GPR149: variants seen among roughly 807,000 people sequenced by gnomAD.
GPR149 encodes G protein-coupled receptor 149, also known as probable G protein-coupled receptor 149.
In GPR149, 50 loss-of-function variants were observed where a neutral mutation model predicts 50.2. The ratio of observed to expected loss-of-function variants is 1.00; its 90% CI spans 0.79 to 1.26. GPR149 has a LOEUF of 1.26. Ranked by LOEUF, GPR149 falls within the 50% of genes most tolerant of loss-of-function variation. GPR149 has a pLI of 0.00. For missense variants in GPR149, 983 were observed against 895.4 expected, an observed-to-expected ratio of 1.10 and a Z score of -1.25; for synonymous variants, 405 against 358.2, an observed-to-expected ratio of 1.13 and a Z score of -1.48.
At chr3:154,414,965 G>A (rs543606365) in intron 3 of GPR149, among the ~76,000 whole-genome samples, 22 of 152,012 alleles carry the variant, frequency 1.4e-4, no homozygotes, top group Admixed American at 3.3e-4. Context: ...TTAGAGATTA[G>A]TTATTAATTT....
intron 3 of GPR149, among the ~76,000 whole-genome samples, chr3:154,418,149 A>G (rs1294714205): frequency 7.1e-6 from 1 of 140,042 alleles, no homozygotes; most frequent in African/African-American, 2.8e-5. Flanking sequence ...GGCAATCATT[A>G]AAAAGTCAGG....
At chr3:154,356,595 A>C (rs1468337820) in intron 3 of GPR149, among the ~76,000 whole-genome samples, 1 of 152,202 alleles carries the variant, frequency 6.6e-6, no homozygotes, top group African/African-American at 2.4e-5. Flanking sequence ...CTTCAAAGAG[A>C]ATAAGATACC....
chr3:154,385,794 C>T (rs750214427), intron 3 of GPR149, among the ~76,000 whole-genome samples: 58 of 151,786 alleles, frequency 3.8e-4, no homozygotes, highest in South Asian at 1.0e-3. Flanking sequence ...CTCCACCTTC[C>T]GGGTTCACAC....
At chr3:154,352,871 A>G (rs896817260) in intron 3 of GPR149, 3 of 933,324 alleles carry the variant, frequency 3.2e-6, no homozygotes, top group African/African-American at 1.6e-5. Flanking sequence ...TGATAAAAAC[A>G]TATACAAATC....
chr3:154,348,055 C>T (rs549950869), intron 3 of GPR149, among the ~76,000 whole-genome samples: 23 of 152,200 alleles, frequency 1.5e-4, no homozygotes, highest in East Asian at 1.9e-4. Flanking sequence ...TGAGTTAATG[C>T]GTGTGAAATG....
intron 3 of GPR149, among the ~76,000 whole-genome samples, chr3:154,372,647 T>C (rs1714691401): frequency 6.6e-6 from 1 of 152,178 alleles, no homozygotes; most frequent in African/African-American, 2.4e-5. Context: ...GGTTCAAACC[T>C]AAAGGCCAGA....
chr3:154,338,393 C>T, intron 3 of GPR149, 122 bp from the exon 4 acceptor site: 1 of 786,194 alleles, frequency 1.3e-6, no homozygotes, highest in Non-Finnish European at 1.9e-6. Flanking sequence ...TCCCTAGAAA[C>T]ATTTTACAGA....
intron 3 of GPR149, among the ~76,000 whole-genome samples, chr3:154,367,923 T>C (rs1714577823): frequency 6.6e-6 from 1 of 152,168 alleles, no homozygotes; most frequent in Non-Finnish European, 1.5e-5. Flanking sequence ...GAGGCTAAAC[T>C]GGGCACCTGT....
At chr3:154,400,314 T>C (rs1252925367) in intron 3 of GPR149, among the ~76,000 whole-genome samples, 2 of 152,190 alleles carry the variant, frequency 1.3e-5, no homozygotes, top group African/African-American at 4.8e-5. Flanking sequence ...CAAATTATCA[T>C]AATATTGAAT....
intron 3 of GPR149, among the ~76,000 whole-genome samples, chr3:154,402,654 T>C (rs1711575938): frequency 6.6e-6 from 1 of 152,134 alleles, no homozygotes; most frequent in Admixed American, 6.6e-5. Context: ...AACTAAGTCT[T>C]TGTGGATCAA....
intron 3 of GPR149, among the ~76,000 whole-genome samples, chr3:154,402,056 T>G (rs1232543587): frequency 6.6e-6 from 1 of 152,124 alleles, no homozygotes; most frequent in Non-Finnish European, 1.5e-5. Flanking sequence ...CTTAAAGCAC[T>G]AAGAAAGTAT....
At chr3:154,358,007 G>A (rs1714280996) in intron 3 of GPR149, among the ~76,000 whole-genome samples, 1 of 152,088 alleles carries the variant, frequency 6.6e-6, no homozygotes, top group Non-Finnish European at 1.5e-5. Context: ...GTATGAAGCT[G>A]GAAACCATCA....
chr3:154,361,642 T>C (rs1455396562), intron 3 of GPR149, among the ~76,000 whole-genome samples: 1 of 152,208 alleles, frequency 6.6e-6, no homozygotes, highest in Non-Finnish European at 1.5e-5. Context: ...GGGTGCTTTT[T>C]TTCTTTTCTC....
At position 154,336,268 on chromosome 3, in the gene GPR149, G is replaced by C. The variant is rs772161636; in HGVS notation, c.*1431C>G. On this transcript the variant is annotated 3_prime_UTR_variant, in exon 4 of 4. Transcript: ENST00000389740. ...ATGACTCATGCTTGTGGCAACAAAAGATGAAACATTCTGAAAGCCGATGTC... is the reference window on the plus strand; with the variant it reads ...ATGACTCATGCTTGTGGCAACAAAACATGAAACATTCTGAAAGCCGATGTC... 1.3e-5 allele frequency: 2 copies of C among 152,014 alleles called. No homozygotes were observed. The highest frequency in any genetic ancestry group is 2.9e-5 in the Non-Finnish European group (2 of 67,906). 9.4% of individuals were successfully genotyped at this position (152,014 alleles called of 1,614,324 possible).
intron 3 of GPR149, chr3:154,353,762 C>CA: frequency 3.9e-6 from 3 of 774,662 alleles, no homozygotes; most frequent in South Asian, 2.9e-5. Flanking sequence ...AAGGGGATGG[C>CA]AAAAAAGAAT....
rs576800853 is a variant in GPR149 at position 154,368,514 on chromosome 3, TC to T, written c.1624-30244del. Among the ~76,000 whole-genome samples the T allele has an allele frequency of 6.5e-3, 989 of 152,334 alleles. 5 individuals are homozygous for T. The highest frequency in any genetic ancestry group is 0.01 in the Non-Finnish European group (690 of 68,032). ...ACCTTAAGGCATTTCCTCCATTGCT[TC>T]CCACATAGGTTTTCCCCTTCCTTAG... is the stretch of plus-strand genomic sequence containing the variant. On this transcript the variant is annotated intron_variant, in intron 3 of 3. Transcript: ENST00000389740.
intron 3 of GPR149, among the ~76,000 whole-genome samples, chr3:154,398,598 AAAC>A (rs1576921515): frequency 6.6e-6 from 1 of 152,198 alleles, no homozygotes; most frequent in East Asian, 1.9e-4. Flanking sequence ...AGAAAGAAAG[AAAC>A]AACAACAACC....
At chr3:154,346,598 T>G (rs1331034896) in intron 3 of GPR149, among the ~76,000 whole-genome samples, 1 of 150,714 alleles carries the variant, frequency 6.6e-6, no homozygotes, top group Admixed American at 6.6e-5. Context: ...TTCTTTTCTT[T>G]TCTTTTTCTT....
intron 3 of GPR149, chr3:154,352,276 G>T: frequency 1.2e-6 from 1 of 855,426 alleles, no homozygotes; most frequent in Non-Finnish European, 1.9e-6. Flanking sequence ...CCACCTGACT[G>T]GCCTGACCCG....
Sources: allele counts gnomAD v4.1 joint callset (sites outside exome capture counted in the v4.1 genomes callset), GRCh38; gene constraint gnomAD v4.1.1; transcripts MANE v1.5; gene names NCBI Gene and HGNC (gene_info 2026-07-23, HGNC 2026-07-21).